The following METTL9 variants were observed in gnomAD, a reference collection of about 807,000 sequenced individuals.
METTL9 encodes the protein protein-L-histidine N-pros-methyltransferase.
A neutral mutation model predicts 36.0 loss-of-function variants in METTL9; 10 were observed. That is an observed-to-expected ratio of 0.28 (90% CI 0.17 to 0.47). METTL9 has a LOEUF of 0.47. Among genes scored for constraint, METTL9 ranks in the 20% least tolerant of loss-of-function variants. The pLI, the probability that METTL9 is intolerant of heterozygous loss-of-function variation, is 0.99. For missense variants in METTL9, 246 were observed against 383.5 expected, an observed-to-expected ratio of 0.64 and a Z score of 3.00; for synonymous variants, 175 against 149.7, an observed-to-expected ratio of 1.17 and a Z score of -1.23.
intron 4 of METTL9, chr16:21,647,042 A>G (rs1170266045): frequency 6.4e-7 from 1 of 1,550,610 alleles, no homozygotes; most frequent in East Asian, 2.2e-5. Flanking sequence ...TAGCAAATTT[A>G]TCTCCTGATT....
At chr16:21,613,639 T>C (rs1217278641) in intron 2 of METTL9, among the ~76,000 whole-genome samples, 1 of 152,144 alleles carries the variant, frequency 6.6e-6, no homozygotes, top group African/African-American at 2.4e-5. Context: ...TACTTCGCAG[T>C]GGCAAATTTT....
At chr16:21,653,810 T>G (rs1966638434) in intron 4 of METTL9, 1 of 152,208 alleles carries the variant, frequency 6.6e-6, no homozygotes, top group South Asian at 2.1e-4. Context: ...GTGCCTGGCT[T>G]AGGCTGCGTG....
chr16:21,612,615 T>G (rs1261023988), intron 1 of METTL9, 30 bp from the exon 2 acceptor site: 1 of 1,466,932 alleles, frequency 6.8e-7, no homozygotes, highest in Non-Finnish European at 9.0e-7. Flanking sequence ...TGTGTTTTAA[T>G]TTTTGTTCTT....
At chr16:21,647,968 G>A (rs191348648) in intron 4 of METTL9, among the ~76,000 whole-genome samples, 3 of 152,294 alleles carry the variant, frequency 2.0e-5, no homozygotes, top group South Asian at 4.1e-4. Context: ...GAGCAGCAGC[G>A]ATGTTTGTGC....
chr16:21,643,563 T>A (rs750525480), intron 4 of METTL9: 1 of 1,606,160 alleles, frequency 6.2e-7, no homozygotes, highest in Non-Finnish European at 8.5e-7. Context: ...GTGAGTCTTC[T>A]TTTATTTCTT....
At chr16:21,634,460 C>T (rs1966036459) in intron 4 of METTL9, among the ~76,000 whole-genome samples, 2 of 152,148 alleles carry the variant, frequency 1.3e-5, no homozygotes, top group Non-Finnish European at 2.9e-5. Context: ...TTAAAGTGTC[C>T]TTGTAAACCA....
intron 4 of METTL9, among the ~76,000 whole-genome samples, chr16:21,627,884 C>T (rs1965850546): frequency 6.6e-6 from 1 of 152,048 alleles, no homozygotes; most frequent in Non-Finnish European, 1.5e-5. Context: ...ACCCAGGAGG[C>T]GGAGCTTGCC....
chr16:21,622,430 T>G (rs1389643432), intron 3 of METTL9, among the ~76,000 whole-genome samples: 1 of 152,078 alleles, frequency 6.6e-6, no homozygotes, highest in Non-Finnish European at 1.5e-5. Context: ...CTACTGCACC[T>G]GACTGCTTTA....
At chr16:21,651,761 T>A (rs1353396511) in intron 4 of METTL9, 2 of 152,090 alleles carry the variant, frequency 1.3e-5, no homozygotes, top group Non-Finnish European at 2.9e-5. Flanking sequence ...TCCCAGCCAT[T>A]TTATCTGCAT....
rs936950768 is a variant in METTL9, at chr16:21,624,764, T to C, written c.567-167T>C. 2.6e-5 allele frequency among the ~76,000 whole-genome samples: 4 copies of C among 151,992 alleles called. No individual in the cohort carries two copies. The South Asian group carries it at 8.3e-4, about 32-fold the overall frequency. ...ATTAAAAAAAAAAAAAAATGGTTGC[T>C]ATTTTTCTCTTCCTTGGCCATGTCA... On this transcript the variant is annotated intron_variant, in intron 3 of 4. Transcript: ENST00000358154.
At chr16:21,604,160 C>G (rs1006870109) in intron 1 of METTL9, among the ~76,000 whole-genome samples, 10 of 152,208 alleles carry the variant, frequency 6.6e-5, no homozygotes. Flanking sequence ...CTTCTCTGAA[C>G]TGCCTTCGAG....
chr16:21,613,824 G>GT (rs1212513628), intron 2 of METTL9, among the ~76,000 whole-genome samples: 3 of 86,856 alleles, frequency 3.5e-5, no homozygotes, highest in Non-Finnish European at 6.0e-5. Flanking sequence ...AGCTTTAGGA[G>GT]TTTTTTTTGT....
chr16:21,615,291 C>A (rs1965526550), intron 2 of METTL9, among the ~76,000 whole-genome samples: 1 of 152,112 alleles, frequency 6.6e-6, no homozygotes, highest in African/African-American at 2.4e-5. Flanking sequence ...TGCAGTGTCA[C>A]AATCATGGCT....
intron 4 of METTL9, among the ~76,000 whole-genome samples, chr16:21,647,990 TG>T (rs1192844976): frequency 6.6e-6 from 1 of 152,156 alleles, no homozygotes; most frequent in Non-Finnish European, 1.5e-5. Context: ...TTGTGGGAGT[TG>T]AGATCGCCAG....
At chr16:21,620,052 G>A (rs1193156061) in intron 3 of METTL9, among the ~76,000 whole-genome samples, 1 of 152,134 alleles carries the variant, frequency 6.6e-6, no homozygotes, top group Non-Finnish European at 1.5e-5. Flanking sequence ...GATACGCTGT[G>A]GGATTTTTAT....
intron 4 of METTL9, chr16:21,647,509 A>G (rs757530396): frequency 1.3e-6 from 2 of 1,597,628 alleles, no homozygotes; most frequent in Non-Finnish European, 1.7e-6. Flanking sequence ...GAGGAAGCAG[A>G]TGAGTGGGTT....
chr16:21,647,209 G>A (rs770095575), intron 4 of METTL9: 2 of 1,614,144 alleles, frequency 1.2e-6, no homozygotes, highest in Non-Finnish European at 1.7e-6. Context: ...CTATTCCACA[G>A]ATGTAAATTG....
intron 4 of METTL9, among the ~76,000 whole-genome samples, chr16:21,638,226 G>C (rs1966156291): frequency 6.6e-6 from 1 of 152,154 alleles, no homozygotes; most frequent in Non-Finnish European, 1.5e-5. Context: ...GCTGAGGCAG[G>C]AGAATCACTT....
intron 4 of METTL9, among the ~76,000 whole-genome samples, chr16:21,638,491 A>C (rs535122221): frequency 6.6e-6 from 1 of 152,192 alleles, no homozygotes; most frequent in African/African-American, 2.4e-5. Flanking sequence ...ATTTTTCTAT[A>C]GAAACATTGT....
Sources: allele counts gnomAD v4.1 joint callset (sites outside exome capture counted in the v4.1 genomes callset), GRCh38; gene constraint gnomAD v4.1.1; transcripts MANE v1.5; gene names NCBI Gene and HGNC (gene_info 2026-07-23, HGNC 2026-07-21).